The following CLIC5 variants were observed in gnomAD, a reference collection of about 807,000 sequenced individuals.
CLIC5 encodes CLIC family member 5, also known as chloride intracellular channel protein 5.
CLIC5 carries 20 observed loss-of-function variants against 24.7 expected under a neutral mutation model. That is an observed-to-expected ratio of 0.81 (90% CI 0.57 to 1.18). CLIC5 has a LOEUF of 1.18. Ranked by LOEUF, CLIC5 falls within the 50% of genes most tolerant of loss-of-function variation. The pLI is 0.00. For synonymous variants in CLIC5, 159 were observed against 135.6 expected (o/e 1.17, Z -1.20); for missense variants, 341 against 326.1 (o/e 1.05, Z -0.35).
chr6:45,965,523 A>G (rs1461685980), intron 1 of CLIC5, among the ~76,000 whole-genome samples: 2 of 152,226 alleles, frequency 1.3e-5, no homozygotes, highest in African/African-American at 4.8e-5. Flanking sequence ...CTGTCATCCT[A>G]TTCTTTAGAC....
intron 1 of CLIC5, among the ~76,000 whole-genome samples, chr6:46,040,650 C>T (rs1428138487): frequency 2.6e-5 from 4 of 151,580 alleles, no homozygotes; most frequent in Admixed American, 6.6e-5. Context: ...ATGTTGATGT[C>T]GACGGTAGCT....
upstream of CLIC5, among the ~76,000 whole-genome samples, chr6:46,016,673 C>T (rs1767020295): frequency 6.6e-6 from 1 of 152,172 alleles, no homozygotes; most frequent in Non-Finnish European, 1.5e-5. Flanking sequence ...CACAATCCAA[C>T]CCACCCATGT....
intron 2 of CLIC5, 130 bp downstream of exon 2, chr6:45,955,005 A>T (rs1764595489): frequency 1.7e-6 from 1 of 597,588 alleles, no homozygotes; most frequent in Admixed American, 3.2e-5. Flanking sequence ...CTGGATCCTG[A>T]GACACAGTTC....
At chr6:45,995,480 C>A (rs1481013473) in intron 1 of CLIC5, among the ~76,000 whole-genome samples, 9 of 152,178 alleles carry the variant, frequency 5.9e-5, no homozygotes, top group Admixed American at 5.2e-4. Context: ...GCAGGCCTCC[C>A]AAGGCTGGCC....
intron 1 of CLIC5, among the ~76,000 whole-genome samples, chr6:46,001,489 C>T (rs1478614531): frequency 6.6e-6 from 1 of 152,098 alleles, no homozygotes; most frequent in Non-Finnish European, 1.5e-5. Flanking sequence ...TGGCTTGGAG[C>T]TCCCATAGCC....
intron 4 of CLIC5, among the ~76,000 whole-genome samples, chr6:45,930,460 G>A (rs967626324): frequency 1.3e-5 from 2 of 152,212 alleles, no homozygotes; most frequent in Non-Finnish European, 2.9e-5. Flanking sequence ...ATAATGGAAG[G>A]TGGCTTTGAG....
At chr6:46,029,298 G>A (rs1215267071) in intron 1 of CLIC5, among the ~76,000 whole-genome samples, 2 of 152,172 alleles carry the variant, frequency 1.3e-5, no homozygotes, top group South Asian at 2.1e-4. Context: ...CAGGCTCTCA[G>A]CCAGGCATCT....
At chr6:45,982,886 C>T (rs1003554621) in intron 1 of CLIC5, among the ~76,000 whole-genome samples, 11 of 152,076 alleles carry the variant, frequency 7.2e-5, no homozygotes, top group Non-Finnish European at 2.9e-5. Context: ...GGGAATCAGT[C>T]TAAATGGCAT....
chr6:46,047,699 C>T (rs796718786), intron 1 of CLIC5, among the ~76,000 whole-genome samples: 7 of 152,248 alleles, frequency 4.6e-5, no homozygotes, highest in African/African-American at 9.6e-5. Flanking sequence ...TGCAGTTTTA[C>T]GTCCCAACTA....
chr6:45,975,633 C>T lies in CLIC5; in HGVS notation c.64-20389G>A, dbSNP rs373008356. Among the ~76,000 whole-genome samples, 9 of 152,010 alleles carry T rather than the reference C, an allele frequency of 5.9e-5. No homozygotes were observed. The South Asian group carries it at 1.2e-3, about 21-fold the overall frequency. On this transcript the variant is annotated intron_variant, in intron 1 of 5. Transcript: ENST00000339561. ...AATATATATGTATATAGTTATGTTG[C>T]TAATCTTAAAAAAAATCTTGAAATG...
chr6:45,979,660 T>TAATC, intron 1 of CLIC5, among the ~76,000 whole-genome samples: 1 of 152,242 alleles, frequency 6.6e-6, no homozygotes, highest in East Asian at 1.9e-4. Flanking sequence ...CTAGATGAAA[T>TAATC]AATCACCCAA....
At chr6:45,924,947 C>T (rs1158334062) in intron 4 of CLIC5, among the ~76,000 whole-genome samples, 5 of 152,044 alleles carry the variant, frequency 3.3e-5, no homozygotes, top group African/African-American at 9.7e-5. Flanking sequence ...GTCTGGAATG[C>T]GGATGTGATG....
intron 4 of CLIC5, among the ~76,000 whole-genome samples, chr6:45,939,408 T>A (rs770045731): frequency 2.0e-5 from 3 of 151,104 alleles, no homozygotes; most frequent in Non-Finnish European, 4.4e-5. Context: ...GAGACGGGGG[T>A]CTCAGACTCC....
intron 1 of CLIC5, among the ~76,000 whole-genome samples, chr6:46,078,588 C>A (rs919445016): frequency 1.3e-5 from 2 of 152,188 alleles, no homozygotes; most frequent in Non-Finnish European, 1.5e-5. Context: ...GCAAGTCTGT[C>A]TCTGTCACCA....
At chr6:46,057,280 T>G (rs774083719) in intron 1 of CLIC5, among the ~76,000 whole-genome samples, 6 of 152,186 alleles carry the variant, frequency 3.9e-5, no homozygotes, top group Admixed American at 6.5e-5. Flanking sequence ...CATGCTATTT[T>G]CATGACAGTG....
At chr6:46,077,369 C>A (rs1450124329) in intron 1 of CLIC5, among the ~76,000 whole-genome samples, 7 of 151,842 alleles carry the variant, frequency 4.6e-5, no homozygotes, top group African/African-American at 1.2e-4. Flanking sequence ...CTAAAACAGC[C>A]CAGGAGAAGA....
At chr6:45,989,203 C>T (rs1361216) in intron 1 of CLIC5, among the ~76,000 whole-genome samples, 88,802 of 152,008 alleles carry the variant, frequency 0.58, 26,490 homozygotes, top group East Asian at 0.78. Context: ...CCACCCCCAC[C>T]GATGCTTTCC....
intron 2 of CLIC5, among the ~76,000 whole-genome samples, chr6:45,954,717 C>T (rs541734571): frequency 6.6e-6 from 1 of 152,312 alleles, no homozygotes; most frequent in African/African-American, 2.4e-5. Context: ...AAGCTGGGAA[C>T]ATAGCATGGG....
upstream of CLIC5, among the ~76,000 whole-genome samples, chr6:46,018,362 C>A (rs559426540): frequency 6.6e-6 from 1 of 152,146 alleles, no homozygotes; most frequent in Non-Finnish European, 1.5e-5. Context: ...TTCATTTTAT[C>A]TTCTCCAAAT....
Sources: allele counts gnomAD v4.1 joint callset (sites outside exome capture counted in the v4.1 genomes callset), GRCh38; gene constraint gnomAD v4.1.1; transcripts MANE v1.5; gene names NCBI Gene and HGNC (gene_info 2026-07-23, HGNC 2026-07-21).